Variants in SNX13 observed in about 807,000 individuals in gnomAD.
SNX13 encodes the protein sorting nexin 13.
In SNX13, 45 loss-of-function variants were observed where a neutral mutation model predicts 133.6. The ratio of observed to expected loss-of-function variants is 0.34; its 90% CI spans 0.27 to 0.43. SNX13 has a LOEUF of 0.43. Among genes scored for constraint, SNX13 ranks in the 20% least tolerant of loss-of-function variants. The probability of loss-of-function intolerance (pLI) is 1.00; values close to 1 mark genes in which losing one functional copy is unlikely to be tolerated. For missense variants in SNX13, 1,032 were observed against 1,145.1 expected (o/e 0.90, Z 1.43); for synonymous variants, 414 against 373.9 (o/e 1.11, Z -1.24).
Position 17,801,191 on chromosome 7 carries a change from T to C in SNX13, c.2298+397A>G, listed in dbSNP as rs577465003. On this transcript the variant is annotated intron_variant, in intron 22 of 25. Coordinates refer to ENST00000428135, the MANE Select transcript of SNX13 (RefSeq NM_015132.5). ...ACTATATTTACAAAATGGAATACTA[T>C]AAAGCCACAAGAATGAAGGAACTAA... 1.8e-4 allele frequency among the ~76,000 whole-genome samples: 28 copies of C among 151,418 alleles called. No homozygotes were observed. In the South Asian group the frequency reaches 3.7e-3, roughly 20 times the overall value.
rs1188833560 is a variant in SNX13, at chr7:17,791,634, T to G, written c.*2411A>C. ...GTTCTTGCCTAAAGGCACCACTGACTTAAAAAACATTCAAAATCAAATACC... is the reference window on the plus strand; with the variant it reads ...GTTCTTGCCTAAAGGCACCACTGACGTAAAAAACATTCAAAATCAAATACC... On this transcript the variant is annotated 3_prime_UTR_variant, in exon 26 of 26. Coordinates refer to ENST00000428135, the MANE Select transcript of SNX13 (RefSeq NM_015132.5). The G allele has an allele frequency of 6.6e-6, 1 of 152,070 alleles. No individual in the cohort carries two copies. The highest frequency in any genetic ancestry group is 1.5e-5 in the Non-Finnish European group (1 of 67,928). 9.4% of individuals were successfully genotyped at this position (152,070 alleles called of 1,614,324 possible).
intron 22 of SNX13, among the ~76,000 whole-genome samples, chr7:17,800,305 G>A (rs905717073): frequency 2.6e-5 from 4 of 151,294 alleles, no homozygotes; most frequent in Non-Finnish European, 4.4e-5. Flanking sequence ...AAACAAATTC[G>A]ATTAGAAACA....
intron 1 of SNX13, among the ~76,000 whole-genome samples, chr7:17,911,297 A>G (rs1316886123): frequency 6.6e-6 from 1 of 152,224 alleles, no homozygotes; most frequent in Non-Finnish European, 1.5e-5. Context: ...AGTGTGAAGT[A>G]GTACTTAACG....
At chr7:17,890,637 T>C (rs995334712) in intron 4 of SNX13, among the ~76,000 whole-genome samples, 153 bp from the exon 5 acceptor site, 4 of 151,952 alleles carry the variant, frequency 2.6e-5, no homozygotes, top group African/African-American at 4.8e-5. Flanking sequence ...TACAAAAACA[T>C]CAACATACTA....
chr7:17,852,129 T>A (rs1791285800), intron 9 of SNX13, among the ~76,000 whole-genome samples: 1 of 152,224 alleles, frequency 6.6e-6, no homozygotes, highest in African/African-American at 2.4e-5. Context: ...ATCGCAGCAC[T>A]TTGGTAGGCC....
At chr7:17,797,686 G>C (rs1784207784) in intron 24 of SNX13, among the ~76,000 whole-genome samples, 1 of 151,748 alleles carries the variant, frequency 6.6e-6, no homozygotes, top group Admixed American at 6.6e-5. Flanking sequence ...CTAGGCATTA[G>C]TAATTTTTAA....
At chr7:17,896,537 A>T (rs1386671260) in intron 2 of SNX13, among the ~76,000 whole-genome samples, 1 of 152,132 alleles carries the variant, frequency 6.6e-6, no homozygotes, top group Non-Finnish European at 1.5e-5. Flanking sequence ...AGGCTCAAAA[A>T]ACTCCTCCAA....
intron 13 of SNX13, among the ~76,000 whole-genome samples, chr7:17,838,941 T>A (rs1268798957): frequency 6.6e-6 from 1 of 150,902 alleles, no homozygotes; most frequent in Non-Finnish European, 1.5e-5. Flanking sequence ...TAGAATAATA[T>A]ACATATATGT....
chr7:17,835,436 GA>G (rs966333312), intron 13 of SNX13, among the ~76,000 whole-genome samples: 1 of 151,114 alleles, frequency 6.6e-6, no homozygotes, highest in African/African-American at 2.4e-5. Context: ...GTGATATGGG[GA>G]AAAAAAAGTC....
Position 17,814,964 on chromosome 7 carries a change from A to G in SNX13, c.1954-20T>C, listed in dbSNP as rs1786494460. ...CAGTAACTAACAAGAAAAAAAAAAA[A>G]AAGAAGAGATTATCTTAAACTGACA... On this transcript the variant is annotated intron_variant, in intron 19 of 25. Coordinates refer to ENST00000428135, the MANE Select transcript of SNX13 (RefSeq NM_015132.5). 2.9e-6 allele frequency: 4 copies of G among 1,401,774 alleles called. No individual in the cohort carries two copies. Among genetic ancestry groups the G allele is most frequent in the Non-Finnish European group, 3.7e-6 (4 of 1,083,416 alleles). The allele number at this position is 1,401,774 out of a possible 1,614,324, so 86.8% of individuals were successfully genotyped here. A position where few individuals can be genotyped will look rare whatever the true frequency, so the allele number is the denominator to read the frequency against.
chr7:17,888,738 T>C (rs1389993275), intron 5 of SNX13: 1 of 470,896 alleles, frequency 2.1e-6, no homozygotes, highest in Non-Finnish European at 4.4e-6. Flanking sequence ...TGGTACAAAG[T>C]ATGCCCAAAA....
chr7:17,837,954 CTT>C (rs1267702790), intron 13 of SNX13, among the ~76,000 whole-genome samples: 1 of 151,788 alleles, frequency 6.6e-6, no homozygotes, highest in Non-Finnish European at 1.5e-5. Context: ...TGTGTCAACT[CTT>C]TTCTAGGCTG....
chr7:17,795,947 C>T (rs540170824), intron 25 of SNX13: 1 of 151,390 alleles, frequency 6.6e-6, no homozygotes, highest in African/African-American at 2.4e-5. Flanking sequence ...GAAGGCTGGT[C>T]ATTAAAATTT....
intron 5 of SNX13, among the ~76,000 whole-genome samples, chr7:17,887,735 T>G (rs1209122326): frequency 6.6e-6 from 1 of 152,184 alleles, no homozygotes; most frequent in South Asian, 2.1e-4. Flanking sequence ...TACAGTGACA[T>G]TCTCTAATTG....
At chr7:17,930,216 G>A (rs1018693371) in intron 1 of SNX13, among the ~76,000 whole-genome samples, 4 of 152,152 alleles carry the variant, frequency 2.6e-5, no homozygotes, top group African/African-American at 7.2e-5. Flanking sequence ...ACAACCCTAT[G>A]AGGTCAGTAC....
chr7:17,893,295 TG>T (rs1562481900), intron 3 of SNX13, 36 bp downstream of exon 3: 5 of 1,372,336 alleles, frequency 3.6e-6, no homozygotes, highest in Non-Finnish European at 4.1e-6. Context: ...TGCAAAGAAC[TG>T]GACTTTGAGG....
chr7:17,847,576 A>C (rs1790694284), intron 11 of SNX13, among the ~76,000 whole-genome samples: 1 of 152,216 alleles, frequency 6.6e-6, no homozygotes, highest in Non-Finnish European at 1.5e-5. Context: ...AAATTTTCAA[A>C]ACAAAACCAC....
At chr7:17,819,879 A>C (rs893018666) in intron 18 of SNX13, among the ~76,000 whole-genome samples, 3 of 134,970 alleles carry the variant, frequency 2.2e-5, no homozygotes, top group Non-Finnish European at 4.7e-5. Context: ...TAAAGTTTAT[A>C]AACTTTATAA....
intron 21 of SNX13, 31 bp downstream of exon 21, chr7:17,803,388 G>A: frequency 1.3e-6 from 2 of 1,570,574 alleles, no homozygotes; most frequent in Non-Finnish European, 1.7e-6. Flanking sequence ...AAAATAGTTT[G>A]CTTTAGACAT....
Sources: gnomAD v4.1 joint callset for allele counts (sites outside exome capture counted in the v4.1 genomes callset) on GRCh38, gnomAD v4.1.1 for gene constraint, MANE v1.5 for transcripts, NCBI Gene and HGNC (gene_info 2026-07-23, HGNC 2026-07-21) for gene names.